The following SEPTIN7 variants were observed in gnomAD, a reference collection of about 807,000 sequenced individuals.
SEPTIN7 encodes the protein septin-7.
A neutral mutation model predicts 63.3 loss-of-function variants in SEPTIN7; 10 were observed. The observed-to-expected ratio is 0.16, with a 90% CI of 0.10 to 0.27. The LOEUF is 0.27. Ranked by LOEUF, SEPTIN7 falls within the 10% of genes least tolerant of loss-of-function variation. The pLI, the probability that SEPTIN7 is intolerant of heterozygous loss-of-function variation, is 1.00. For synonymous variants in SEPTIN7, 131 were observed against 165.3 expected, an observed-to-expected ratio of 0.79 and a Z score of 1.59; for missense variants, 310 against 521.0, an observed-to-expected ratio of 0.59 and a Z score of 3.94.
At chr7:35,811,658 G>T (rs540403920) in intron 1 of SEPTIN7, among the ~76,000 whole-genome samples, 1 of 152,244 alleles carries the variant, frequency 6.6e-6, no homozygotes, top group Middle Eastern at 3.4e-3. Flanking sequence ...AGGTCGAGGC[G>T]GGCTGATCAC....
chr7:35,848,641 T>A (rs1784813223), intron 3 of SEPTIN7, among the ~76,000 whole-genome samples: 1 of 152,208 alleles, frequency 6.6e-6, no homozygotes, highest in African/African-American at 2.4e-5. Flanking sequence ...TGTTTTCAGT[T>A]TAGCAAAAGA....
chr7:35,870,650 A>G (rs1372272971), intron 4 of SEPTIN7, among the ~76,000 whole-genome samples: 1 of 152,066 alleles, frequency 6.6e-6, no homozygotes, highest in Non-Finnish European at 1.5e-5. Context: ...CTAGAAGATC[A>G]CCAGATAAAA....
chr7:35,862,274 C>T (rs971169670), intron 3 of SEPTIN7, among the ~76,000 whole-genome samples: 3 of 151,928 alleles, frequency 2.0e-5, no homozygotes, highest in African/African-American at 4.8e-5. Context: ...CTTGTTCCCC[C>T]ACTCCTCACC....
At position 35,905,710 on chromosome 7, in the gene SEPTIN7, C is replaced by T. The variant is rs1788578020; in HGVS notation, c.*1417C>T. On this transcript the variant is annotated 3_prime_UTR_variant, in exon 14 of 14. Coordinates refer to ENST00000350320, the MANE Select transcript of SEPTIN7 (RefSeq NM_001788.6). ...AATTTTTGTATTTTTTGCAGCCTCC[C>T]AAAGTTCTGGGATTACAGGCATGAG... 1 of 152,076 alleles carries T rather than the reference C, an allele frequency of 6.6e-6. No homozygotes were observed. Among genetic ancestry groups the T allele is most frequent in the Non-Finnish European group, 1.5e-5 (1 of 68,040 alleles). The allele number at this position is 152,076 out of a possible 1,614,324, so 9.4% of individuals were successfully genotyped here. A position where few individuals can be genotyped will look rare whatever the true frequency, so the allele number is the denominator to read the frequency against.
chr7:35,821,842 G>C (rs559949740), intron 1 of SEPTIN7, among the ~76,000 whole-genome samples: 1 of 151,892 alleles, frequency 6.6e-6, no homozygotes, highest in South Asian at 2.1e-4. Flanking sequence ...GCAGTGGCAC[G>C]ATCTTAGCTC....
intron 7 of SEPTIN7, among the ~76,000 whole-genome samples, chr7:35,880,959 C>T (rs1786839331): frequency 6.6e-6 from 1 of 151,930 alleles, no homozygotes; most frequent in African/African-American, 2.4e-5. Flanking sequence ...AGTCCAAAGG[C>T]CAGTAGTATA....
chr7:35,827,729 G>A (rs1199025914), intron 1 of SEPTIN7, among the ~76,000 whole-genome samples: 3 of 152,100 alleles, frequency 2.0e-5, no homozygotes, highest in Non-Finnish European at 2.9e-5. Context: ...GACTTCAAGA[G>A]ACCTGCCTGC....
intron 3 of SEPTIN7, among the ~76,000 whole-genome samples, chr7:35,834,303 G>T (rs547079386): frequency 6.6e-6 from 1 of 151,858 alleles, no homozygotes; most frequent in Non-Finnish European, 1.5e-5. Context: ...TTTGTTTAAA[G>T]AATTACTTTT....
At chr7:35,806,576 GTATT>G (rs1417196863) in intron 1 of SEPTIN7, among the ~76,000 whole-genome samples, 3 of 152,192 alleles carry the variant, frequency 2.0e-5, no homozygotes, top group Non-Finnish European at 4.4e-5. Context: ...TGGATTTTAA[GTATT>G]TAGTTCAATG....
rs1435716946 is a variant in SEPTIN7, at chr7:35,905,009, G to A, written c.*716G>A. 1.3e-5 allele frequency: 2 copies of A among 152,424 alleles called. No individual in the cohort carries two copies. Among genetic ancestry groups the A allele is most frequent in the Non-Finnish European group, 2.9e-5 (2 of 67,996 alleles). The allele number at this position is 152,424 out of a possible 1,614,324, so 9.4% of individuals were successfully genotyped here. A position where few individuals can be genotyped will look rare whatever the true frequency, so the allele number is the denominator to read the frequency against. On this transcript the variant is annotated 3_prime_UTR_variant, in exon 14 of 14. Coordinates refer to ENST00000350320, the MANE Select transcript of SEPTIN7 (RefSeq NM_001788.6). ...ATTGGCACTGCTAAAATAGAATATA[G>A]CATCTTTCATATGGTAGGAACCAAC...
the SEPTIN7 span, among the ~76,000 whole-genome samples, chr7:35,914,638 CCTCTCTCT>C: frequency 4.7e-5 from 7 of 148,682 alleles, no homozygotes; most frequent in African/African-American, 7.5e-5. Flanking sequence ...TCTTTCTGTC[CCTCTCTCT>C]CTCTCTCTCT....
chr7:35,833,436 G>T (rs1415703728), intron 3 of SEPTIN7, among the ~76,000 whole-genome samples: 1 of 151,858 alleles, frequency 6.6e-6, no homozygotes, highest in Admixed American at 6.6e-5. Context: ...GTTATTCCAT[G>T]AACACATTAC....
chr7:35,832,614 C>T (rs1783887760), intron 2 of SEPTIN7, 184 bp from the exon 3 acceptor site: 3 of 538,526 alleles, frequency 5.6e-6, no homozygotes, highest in Non-Finnish European at 1.0e-5. Flanking sequence ...TGTCAGTCAA[C>T]TCATGCTCAA....
upstream of SEPTIN7, chr7:35,801,010 G>A: frequency 2.2e-6 from 1 of 452,720 alleles, no homozygotes. Context: ...CCTCCGCTAG[G>A]CCCGGAAGCC....
intron 3 of SEPTIN7, 143 bp downstream of exon 3, chr7:35,833,043 T>G: frequency 1.7e-6 from 1 of 575,862 alleles, no homozygotes; most frequent in Non-Finnish European, 3.1e-6. Context: ...GCATACATTT[T>G]AAAATTTAAC....
intron 3 of SEPTIN7, among the ~76,000 whole-genome samples, chr7:35,851,180 G>C (rs558434369): frequency 6.6e-6 from 1 of 152,172 alleles, no homozygotes; most frequent in East Asian, 1.9e-4. Flanking sequence ...AGATAAGAAG[G>C]ACATGGGTTA....
chr7:35,883,688 A>AT (rs1787045966), intron 8 of SEPTIN7, among the ~76,000 whole-genome samples: 1 of 151,926 alleles, frequency 6.6e-6, no homozygotes, highest in Non-Finnish European at 1.5e-5. Flanking sequence ...ATTTAATTTT[A>AT]TTTATTGTTT....
Position 35,904,356 on chromosome 7 carries a change from T to C in SEPTIN7, c.*63T>C, listed in dbSNP as rs928560115. ...ATATGCCAGCTTGGACATCAGTGTT[T>C]GTTGGATCCGTTTGACCAATTTGCA... On this transcript the variant is annotated 3_prime_UTR_variant, in exon 14 of 14. Transcript: ENST00000350320. 41 of 1,382,490 alleles carry C rather than the reference T, an allele frequency of 3.0e-5. No individual in the cohort carries two copies. The highest frequency in any genetic ancestry group is 2.5e-4 in the Middle Eastern group (1 of 4,040). The allele number at this position is 1,382,490 out of a possible 1,614,324, so 85.6% of individuals were successfully genotyped here. A position where few individuals can be genotyped will look rare whatever the true frequency, so the allele number is the denominator to read the frequency against.
At chr7:35,871,372 A>G (rs915440581) in intron 4 of SEPTIN7, among the ~76,000 whole-genome samples, 1 of 152,206 alleles carries the variant, frequency 6.6e-6, no homozygotes, top group Non-Finnish European at 1.5e-5. Context: ...CACTAGCCAT[A>G]TGTGGCTATT....
Sources: gnomAD v4.1 joint callset for allele counts (sites outside exome capture counted in the v4.1 genomes callset) on GRCh38, gnomAD v4.1.1 for gene constraint, MANE v1.5 for transcripts, NCBI Gene and HGNC (gene_info 2026-07-23, HGNC 2026-07-21) for gene names.